Variants in UTRN observed in about 807,000 individuals in gnomAD.
The protein encoded by UTRN is utrophin.
Under a neutral mutation model 463.9 loss-of-function variants are expected in UTRN, and 283 were observed. That is an observed-to-expected ratio of 0.61 (90% CI 0.55 to 0.67). UTRN has a LOEUF of 0.67. Among genes scored for constraint, UTRN ranks in the 30% least tolerant of loss-of-function variants. The pLI, the probability that UTRN is intolerant of heterozygous loss-of-function variation, is 0.00. For synonymous variants in UTRN, 1,442 were observed against 1,431.5 expected (o/e 1.01, Z -0.17); for missense variants, 3,922 against 4,084.3 (o/e 0.96, Z 1.08).
chr6:144,785,678 C>A (rs6905730), intron 61 of UTRN, among the ~76,000 whole-genome samples: 22,660 of 152,004 alleles, frequency 0.15, 1,930 homozygotes, highest in South Asian at 0.25. Context: ...TGTGAGTTGG[C>A]AGCTACTTAA....
intron 2 of UTRN, among the ~76,000 whole-genome samples, chr6:144,295,620 T>C (rs1412656386): frequency 6.6e-6 from 1 of 152,240 alleles, no homozygotes; most frequent in Non-Finnish European, 1.5e-5. Context: ...GATCTAATTG[T>C]TGAGGGAACC....
chr6:144,417,957 G>T (rs1165934421), intron 3 of UTRN, among the ~76,000 whole-genome samples: 1 of 151,994 alleles, frequency 6.6e-6, no homozygotes, highest in African/African-American at 2.4e-5. Flanking sequence ...GTGCTTAGTT[G>T]TTGTCTCAGT....
chr6:144,829,324 C>A (rs540352343), intron 69 of UTRN, among the ~76,000 whole-genome samples: 1 of 152,174 alleles, frequency 6.6e-6, no homozygotes, highest in South Asian at 2.1e-4. Flanking sequence ...AAACTGTTAA[C>A]TCCTCTGCCA....
intron 2 of UTRN, among the ~76,000 whole-genome samples, chr6:144,301,143 C>T (rs1215986705): frequency 2.0e-5 from 3 of 151,568 alleles, no homozygotes; most frequent in Admixed American, 2.0e-4. Context: ...TAGAAAATGC[C>T]GTATTAGCAA....
chr6:144,644,393 A>T (rs1778082705), intron 51 of UTRN, among the ~76,000 whole-genome samples: 1 of 152,186 alleles, frequency 6.6e-6, no homozygotes, highest in Non-Finnish European at 1.5e-5. Flanking sequence ...ATTCCAAATG[A>T]ATGATTTTTA....
intron 2 of UTRN, among the ~76,000 whole-genome samples, chr6:144,353,415 T>C (rs531534633): frequency 3.0e-4 from 41 of 137,060 alleles, no homozygotes; most frequent in African/African-American, 1.0e-3. Context: ...TGCCCGGCCC[T>C]TCTGATTTTT....
rs1473478714 is a variant in UTRN at position 144,352,697 on chromosome 6, A to G, written c.80-50426A>G. On this transcript the variant is annotated intron_variant, in intron 2 of 74. Coordinates refer to ENST00000367545, the MANE Select transcript of UTRN (RefSeq NM_007124.3). ...ATTTGTTACTAGGCCTTACGCTGCA[A>G]CATTTCTGAGTAATCAAATCTAAAT... Among the ~76,000 whole-genome samples the G allele has an allele frequency of 3.9e-5, 6 of 152,340 alleles. No individual in the cohort carries two copies. In the East Asian group the frequency reaches 1.2e-3, roughly 29 times the overall value.
At chr6:144,524,873 G>A (rs1442807347) in intron 41 of UTRN, among the ~76,000 whole-genome samples, 1 of 152,006 alleles carries the variant, frequency 6.6e-6, no homozygotes, top group Non-Finnish European at 1.5e-5. Flanking sequence ...TTCCTTCTAT[G>A]CCAATTTTGC....
chr6:144,580,922 C>G (rs927578485), intron 51 of UTRN, among the ~76,000 whole-genome samples: 3 of 152,084 alleles, frequency 2.0e-5, no homozygotes, highest in Admixed American at 6.5e-5. Context: ...AGAAAGGAGA[C>G]AATGGCAGGG....
At chr6:144,568,139 C>T (rs1800592094) in intron 50 of UTRN, among the ~76,000 whole-genome samples, 1 of 151,956 alleles carries the variant, frequency 6.6e-6, no homozygotes, top group Non-Finnish European at 1.5e-5. Context: ...ATCTGTCACC[C>T]GTGGATGTCC....
At chr6:144,295,575 C>T (rs556809235) in intron 2 of UTRN, among the ~76,000 whole-genome samples, 6 of 152,334 alleles carry the variant, frequency 3.9e-5, no homozygotes, top group Admixed American at 6.5e-5. Flanking sequence ...TTTATCATTT[C>T]TTCCTTTGCA....
At chr6:144,568,955 G>C (rs1005635541) in intron 50 of UTRN, among the ~76,000 whole-genome samples, 1 of 151,956 alleles carries the variant, frequency 6.6e-6, no homozygotes, top group Non-Finnish European at 1.5e-5. Flanking sequence ...CATTAAAGGT[G>C]GTATATTCAC....
At chr6:144,796,500 A>AAT (rs1373953581) in intron 63 of UTRN, among the ~76,000 whole-genome samples, 4 of 152,342 alleles carry the variant, frequency 2.6e-5, no homozygotes, top group African/African-American at 9.6e-5. Context: ...AGATTTTTAA[A>AAT]ATATATATAC....
At chr6:144,740,677 T>C (rs947588881) in intron 54 of UTRN, among the ~76,000 whole-genome samples, 7 of 152,222 alleles carry the variant, frequency 4.6e-5, no homozygotes, top group Non-Finnish European at 1.0e-4. Flanking sequence ...ATATAATGCA[T>C]CTAGTCTTCA....
chr6:144,590,362 T>G (rs1452780206), intron 51 of UTRN, among the ~76,000 whole-genome samples: 7 of 152,156 alleles, frequency 4.6e-5, no homozygotes, highest in Admixed American at 4.6e-4. Flanking sequence ...ATAACTTAAT[T>G]TGGTTTGATT....
chr6:144,628,229 A>G (rs747216413), intron 51 of UTRN, among the ~76,000 whole-genome samples: 10 of 152,206 alleles, frequency 6.6e-5, no homozygotes, highest in Non-Finnish European at 1.0e-4. Context: ...TTGGTGTACA[A>G]GTATCCGTTT....
intron 51 of UTRN, among the ~76,000 whole-genome samples, chr6:144,669,801 A>G (rs542388128): frequency 5.3e-5 from 8 of 152,104 alleles, no homozygotes; most frequent in Admixed American, 1.3e-4. Context: ...CTGTCATCAT[A>G]GCTCAGCTCC....
intron 51 of UTRN, among the ~76,000 whole-genome samples, chr6:144,651,746 A>G (rs1276137383): frequency 1.3e-5 from 2 of 152,194 alleles, no homozygotes; most frequent in African/African-American, 2.4e-5. Flanking sequence ...ACCAATGTGT[A>G]GTGTTGTCAG....
intron 52 of UTRN, among the ~76,000 whole-genome samples, chr6:144,680,764 C>T (rs1421093293): frequency 2.6e-5 from 4 of 152,110 alleles, no homozygotes; most frequent in Non-Finnish European, 4.4e-5. Flanking sequence ...AGTTATTCCC[C>T]AGATAGTCTA....
Sources: allele counts gnomAD v4.1 joint callset (sites outside exome capture counted in the v4.1 genomes callset), GRCh38; gene constraint gnomAD v4.1.1; transcripts MANE v1.5; gene names NCBI Gene and HGNC (gene_info 2026-07-23, HGNC 2026-07-21).